The following HMCN1 variants were observed in gnomAD, a reference collection of about 807,000 sequenced individuals.
HMCN1 encodes hemicentin-1.
In HMCN1, 321 loss-of-function variants were observed where a neutral mutation model predicts 625.9. The ratio of observed to expected loss-of-function variants is 0.51; its 90% CI spans 0.47 to 0.56. The LOEUF (loss-of-function observed/expected upper bound fraction) is 0.56. HMCN1 is among the 20% of genes least tolerant of loss of function. HMCN1 has a pLI of 0.00. For synonymous variants in HMCN1, 2,425 were observed against 2,417.6 expected (o/e 1.00, Z -0.09); for missense variants, 6,588 against 6,887.3 (o/e 0.96, Z 1.54).
chr1:186,067,592 T>G (rs1203581378), intron 49 of HMCN1, among the ~76,000 whole-genome samples: 1 of 152,164 alleles, frequency 6.6e-6, no homozygotes, highest in Admixed American at 6.5e-5. Flanking sequence ...TTCCCATTAT[T>G]GCCCTTACTA....
At chr1:186,153,450 C>G (rs904787153) in intron 96 of HMCN1, among the ~76,000 whole-genome samples, 5 of 152,122 alleles carry the variant, frequency 3.3e-5, no homozygotes, top group Non-Finnish European at 5.9e-5. Context: ...CATTCAGATC[C>G]TCATTCCGCC....
At chr1:186,178,950 T>C (rs1652769675) in intron 104 of HMCN1, among the ~76,000 whole-genome samples, 184 bp downstream of exon 104, 1 of 152,236 alleles carries the variant, frequency 6.6e-6, no homozygotes, top group African/African-American at 2.4e-5. Flanking sequence ...AAGTGAATTA[T>C]GGATTTACAT....
At chr1:185,754,839 C>T (rs1010352845) in intron 1 of HMCN1, among the ~76,000 whole-genome samples, 2 of 152,042 alleles carry the variant, frequency 1.3e-5, no homozygotes, top group Non-Finnish European at 2.9e-5. Context: ...CAGAGTGAGA[C>T]CCTGTCTCAA....
intron 64 of HMCN1, 126 bp downstream of exon 64, chr1:186,091,043 C>A: frequency 8.8e-7 from 1 of 1,131,972 alleles, no homozygotes; most frequent in Non-Finnish European, 1.3e-6. Flanking sequence ...ATTATATTCA[C>A]AAAGAAACAA....
chr1:185,887,642 A>AT (rs922991386), intron 4 of HMCN1, among the ~76,000 whole-genome samples: 1 of 147,920 alleles, frequency 6.8e-6, no homozygotes, highest in African/African-American at 2.6e-5. Context: ...TGAACTCATC[A>AT]TTTTTTATGA....
chr1:185,791,097 C>T (rs1657959578), intron 1 of HMCN1, among the ~76,000 whole-genome samples: 2 of 152,120 alleles, frequency 1.3e-5, no homozygotes, highest in African/African-American at 2.4e-5. Flanking sequence ...AGACTTAAAT[C>T]TGTAGACTCC....
At chr1:185,808,579 A>G (rs1019025049) in intron 1 of HMCN1, among the ~76,000 whole-genome samples, 1 of 152,154 alleles carries the variant, frequency 6.6e-6, no homozygotes, top group South Asian at 2.1e-4. Context: ...TTGTTTTCTT[A>G]TAGACTATTA....
intron 4 of HMCN1, among the ~76,000 whole-genome samples, chr1:185,879,900 A>G (rs930334415): frequency 1.3e-5 from 2 of 152,146 alleles, no homozygotes; most frequent in Non-Finnish European, 2.9e-5. Context: ...AAGACTTGCT[A>G]TGGAGAGAAA....
At chr1:186,157,412 C>CT (rs1214469436) in intron 97 of HMCN1, among the ~76,000 whole-genome samples, 2 of 152,118 alleles carry the variant, frequency 1.3e-5, no homozygotes, top group African/African-American at 4.8e-5. Flanking sequence ...ATATGAAAAT[C>CT]TTTGGACAGA....
In HMCN1 at chr1:186,146,523, C is replaced by T. The variant is rs114255396; in HGVS notation, c.14608+600C>T. Among the ~76,000 whole-genome samples the T allele has an allele frequency of 1.4e-4, 22 of 152,242 alleles. 1 individual carries two copies. The highest frequency in any genetic ancestry group is 4.8e-4 in the African/African-American group (20 of 41,556). On this transcript the variant is annotated intron_variant, in intron 93 of 106. Transcript: ENST00000271588. ...AAGGTTGTAAGAAGACCAACAATAA[C>T]GGTTTTATATTGTTGAAGTGTCAAG...
At chr1:186,128,317 GA>G (rs1558244415) in intron 83 of HMCN1, 26 bp downstream of exon 83, 2 of 1,546,274 alleles carry the variant, frequency 1.3e-6, no homozygotes, top group Non-Finnish European at 1.8e-6. Flanking sequence ...CTCAAGAAGT[GA>G]ATAAATACAC....
chr1:186,117,038 A>G lies in HMCN1; in HGVS notation c.11606A>G (p.Asp3869Gly). Residue 3869 changes from aspartate (D) to glycine (G), a missense_variant, in exon 76 of 107, where the codon GAT (aspartate) becomes GGT (glycine). This residue lies in a region of HMCN1 where 4,628 missense variants were observed against 4,853.1 expected (regional missense o/e 0.95). Transcript: ENST00000271588. ...CTAGTAATTATTTCCCCTTCTGTGG[A>G]TGACACTGCAACCTATGAATGTACT... is the stretch of plus-strand genomic sequence containing the variant. Reference protein sequence around the residue: ...GSLVIISPSVDDTATYECTVT... With the variant: ...GSLVIISPSVGDTATYECTVT... The G allele has an allele frequency of 6.2e-7, 1 of 1,613,330 alleles. No homozygotes were observed. Among genetic ancestry groups the G allele is most frequent in the Non-Finnish European group, 8.5e-7 (1 of 1,179,436 alleles).
chr1:185,802,990 T>C (rs749523862), intron 1 of HMCN1, among the ~76,000 whole-genome samples: 3 of 151,916 alleles, frequency 2.0e-5, no homozygotes, highest in African/African-American at 7.2e-5. Context: ...AGTAGAGAGA[T>C]AGAACTTTCC....
At chr1:185,922,948 TA>T (rs1217421930) in intron 7 of HMCN1, among the ~76,000 whole-genome samples, 2 of 152,204 alleles carry the variant, frequency 1.3e-5, no homozygotes, top group African/African-American at 2.4e-5. Flanking sequence ...ATTTCAAAGA[TA>T]AAATTATTGA....
intron 45 of HMCN1, among the ~76,000 whole-genome samples, chr1:186,056,622 T>C (rs897846073): frequency 6.6e-6 from 1 of 151,956 alleles, no homozygotes; most frequent in Non-Finnish European, 1.5e-5. Flanking sequence ...GAGACCATAA[T>C]CATAAGTGAA....
At chr1:185,937,865 A>T (rs1667891334) in intron 11 of HMCN1, among the ~76,000 whole-genome samples, 2 of 149,820 alleles carry the variant, frequency 1.3e-5, no homozygotes, top group Admixed American at 1.3e-4. Flanking sequence ...TGGGCAACAG[A>T]GCGAGACTCC....
chr1:185,910,210 T>A (rs1359420133), intron 5 of HMCN1, among the ~76,000 whole-genome samples: 1 of 152,132 alleles, frequency 6.6e-6, no homozygotes, highest in Non-Finnish European at 1.5e-5. Context: ...TCTCTATATT[T>A]ATAAATAGGG....
chr1:186,132,800 C>A lies in HMCN1; in HGVS notation c.13312+391C>A, dbSNP rs541088348. ...TCTCCAAATGCTATACCTCCCCCCA[C>A]CCCCCACAACAGGCCCTGGTGTGTG... is the stretch of plus-strand genomic sequence containing the variant. On this transcript the variant is annotated intron_variant, in intron 86 of 106. Transcript: ENST00000271588. 2.1e-3 allele frequency among the ~76,000 whole-genome samples: 314 copies of A among 151,888 alleles called. 4 individuals carry two copies. The highest frequency in any genetic ancestry group is 7.8e-4 in the Non-Finnish European group (53 of 67,854).
intron 68 of HMCN1, among the ~76,000 whole-genome samples, chr1:186,098,398 C>G (rs551112832): frequency 2.9e-4 from 44 of 152,116 alleles, no homozygotes; most frequent in Non-Finnish European, 3.5e-4. Flanking sequence ...AGACATTTCT[C>G]AAAAGATGAC....
Sources: gnomAD v4.1 joint callset for allele counts (sites outside exome capture counted in the v4.1 genomes callset) on GRCh38, gnomAD v4.1.1 for gene constraint, gnomAD v4.1.1 regional missense constraint, MANE v1.5 for transcripts, NCBI Gene and HGNC (gene_info 2026-07-23, HGNC 2026-07-21) for gene names.